MIPEP: variants seen among roughly 807,000 people sequenced by gnomAD.
MIPEP encodes the protein mitochondrial intermediate peptidase.
MIPEP carries 79 observed loss-of-function variants against 90.3 expected under a neutral mutation model. The observed-to-expected ratio is 0.87, with a 90% CI of 0.73 to 1.05. The LOEUF (loss-of-function observed/expected upper bound fraction) is 1.05, where lower values mean the gene tolerates loss of function less well. Ranked by LOEUF, MIPEP falls within the 50% of genes least tolerant of loss-of-function variation. The probability of loss-of-function intolerance (pLI) is 0.00; values close to 1 mark genes in which losing one functional copy is unlikely to be tolerated. For synonymous variants in MIPEP, 334 were observed against 315.8 expected (o/e 1.06, Z -0.61); for missense variants, 940 against 905.6 (o/e 1.04, Z -0.49).
At chr13:23,803,779 G>A (rs1231498610) in intron 16 of MIPEP, among the ~76,000 whole-genome samples, 1 of 152,180 alleles carries the variant, frequency 6.6e-6, no homozygotes, top group Non-Finnish European at 1.5e-5. Context: ...TGAATGCATT[G>A]ACAAACAAAT....
intron 16 of MIPEP, among the ~76,000 whole-genome samples, chr13:23,790,296 G>A (rs1324486130): frequency 6.6e-6 from 1 of 152,154 alleles, no homozygotes; most frequent in African/African-American, 2.4e-5. Flanking sequence ...TCTTACTTCT[G>A]TTTTACTTCA....
chr13:23,801,727 T>A (rs1038572319), intron 16 of MIPEP, among the ~76,000 whole-genome samples: 1 of 152,334 alleles, frequency 6.6e-6, no homozygotes, highest in South Asian at 2.1e-4. Flanking sequence ...TATTTCACTT[T>A]ACCTTATGCT....
chr13:23,867,978 CTG>C (rs1454627503), intron 7 of MIPEP, among the ~76,000 whole-genome samples: 1 of 151,456 alleles, frequency 6.6e-6, no homozygotes, highest in African/African-American at 2.4e-5. Flanking sequence ...TATAATCAAA[CTG>C]TTGACAACAG....
At chr13:23,756,860 C>T (rs895501024) in intron 17 of MIPEP, 7 of 519,092 alleles carry the variant, frequency 1.3e-5, no homozygotes, top group Non-Finnish European at 1.7e-5. Context: ...GCTATCTGTT[C>T]TGTTAACAAG....
chr13:23,731,559 A>G (rs536188550), intron 18 of MIPEP, among the ~76,000 whole-genome samples: 3 of 152,330 alleles, frequency 2.0e-5, no homozygotes, highest in Admixed American at 6.5e-5. Flanking sequence ...AACCGCATGA[A>G]GTATCTTTGT....
At chr13:23,740,209 C>A (rs1952311348) in intron 18 of MIPEP, among the ~76,000 whole-genome samples, 1 of 152,306 alleles carries the variant, frequency 6.6e-6, no homozygotes, top group African/African-American at 2.4e-5. Flanking sequence ...GGTGGGCCAA[C>A]AAATGAGGAA....
intron 16 of MIPEP, among the ~76,000 whole-genome samples, chr13:23,782,316 CA>C: frequency 6.6e-6 from 1 of 152,312 alleles, no homozygotes; most frequent in Admixed American, 6.5e-5. Flanking sequence ...CAAAACTGCT[CA>C]ACTACATGGA....
At position 23,886,371 on chromosome 13, in the gene MIPEP, C is replaced by T. The variant is rs748585703; in HGVS notation, c.325G>A (p.Asp109Asn). The T allele has an allele frequency of 2.5e-6, 4 of 1,601,148 alleles. No homozygotes were observed. The highest frequency in any genetic ancestry group is 2.2e-5 in the South Asian group (2 of 89,300). Reference sequence around the variant, plus strand: ...CTGCATAAGGAATCCGAGAGCTCATCGAAGATCAGCACGGTCTGGGGCCCA... The same window carrying T: ...CTGCATAAGGAATCCGAGAGCTCATTGAAGATCAGCACGGTCTGGGGCCCA... Reference protein sequence around the residue: ...PPGPQTVLIFDELSDSLCRVA... With the variant: ...PPGPQTVLIFNELSDSLCRVA... The change falls in exon 2 of 19, where the codon GAT becomes AAT. Residue 109 changes from aspartate (D) to asparagine (N), a missense_variant. Asp to Asn is a conservative substitution (Grantham distance 23). Coordinates refer to ENST00000382172, the MANE Select transcript of MIPEP (RefSeq NM_005932.4).
chr13:23,887,431 A>G (rs1871545352), intron 1 of MIPEP, among the ~76,000 whole-genome samples: 1 of 152,240 alleles, frequency 6.6e-6, no homozygotes, highest in Non-Finnish European at 1.5e-5. Flanking sequence ...ACATGCTTTA[A>G]GACGTTAGAA....
chr13:23,808,255 C>G (rs996023709), intron 15 of MIPEP, among the ~76,000 whole-genome samples: 1 of 151,998 alleles, frequency 6.6e-6, no homozygotes, highest in African/African-American at 2.4e-5. Context: ...CCTGCCACCA[C>G]GCCTGGCTAA....
chr13:23,834,275 G>A (rs1026686491), intron 14 of MIPEP, among the ~76,000 whole-genome samples: 2 of 152,178 alleles, frequency 1.3e-5, no homozygotes, highest in Non-Finnish European at 2.9e-5. Context: ...CCGCCTGAAA[G>A]CCTTTACTGG....
At chr13:23,797,755 G>C (rs1319829867) in intron 16 of MIPEP, among the ~76,000 whole-genome samples, 1 of 152,194 alleles carries the variant, frequency 6.6e-6, no homozygotes, top group Non-Finnish European at 1.5e-5. Context: ...TTTCAGGGAA[G>C]GAGCCTCCCT....
At chr13:23,731,942 C>G (rs542996124) in intron 18 of MIPEP, among the ~76,000 whole-genome samples, 13 of 145,616 alleles carry the variant, frequency 8.9e-5, no homozygotes, top group Admixed American at 2.8e-4. Flanking sequence ...CAATGAGATA[C>G]TATTACACAT....
At chr13:23,801,785 T>C (rs1017193611) in intron 16 of MIPEP, among the ~76,000 whole-genome samples, 3 of 152,188 alleles carry the variant, frequency 2.0e-5, no homozygotes, top group Admixed American at 6.5e-5. Flanking sequence ...CTGAACAGTA[T>C]TCCAGCTGTA....
At chr13:23,735,036 G>A (rs981100051) in intron 18 of MIPEP, among the ~76,000 whole-genome samples, 1 of 152,120 alleles carries the variant, frequency 6.6e-6, no homozygotes, top group Non-Finnish European at 1.5e-5. Context: ...CCACATTCCT[G>A]GATACATGGA....
chr13:23,817,507 C>G (rs745922144), intron 14 of MIPEP, among the ~76,000 whole-genome samples: 2 of 152,114 alleles, frequency 1.3e-5, no homozygotes, highest in Non-Finnish European at 2.9e-5. Flanking sequence ...GAATCTCTCC[C>G]CCACTACCAA....
intron 18 of MIPEP, among the ~76,000 whole-genome samples, chr13:23,732,867 A>C (rs971599147): frequency 6.6e-6 from 1 of 152,196 alleles, no homozygotes; most frequent in Admixed American, 6.5e-5. Flanking sequence ...CATGCATCAA[A>C]ATTCATTGAA....
intron 5 of MIPEP, among the ~76,000 whole-genome samples, chr13:23,872,095 C>T (rs557321085): frequency 6.6e-6 from 1 of 152,250 alleles, no homozygotes; most frequent in African/African-American, 2.4e-5. Context: ...TATGAAATTT[C>T]TGTGTTATTA....
rs532195684 is a variant in MIPEP at position 23,888,455 on chromosome 13, C to G, written c.189+677G>C. ...CAAAATGTACAAACTCCAAGTAGAA[C>G]AGGCATCAGGTAAGTCCTTTCCAAC... On this transcript the variant is annotated intron_variant, in intron 1 of 18. Coordinates refer to ENST00000382172, the MANE Select transcript of MIPEP (RefSeq NM_005932.4). Among the ~76,000 whole-genome samples, 4 of 152,168 alleles carry G rather than the reference C, an allele frequency of 2.6e-5. No homozygotes were observed. The East Asian group carries it at 5.8e-4, about 22-fold the overall frequency.
Sources: gnomAD v4.1 joint callset for allele counts (sites outside exome capture counted in the v4.1 genomes callset) on GRCh38, gnomAD v4.1.1 for gene constraint, MANE v1.5 for transcripts, NCBI Gene and HGNC (gene_info 2026-07-23, HGNC 2026-07-21) for gene names.